The following CYP3A7 variants were observed in gnomAD, a reference collection of about 807,000 sequenced individuals.
The protein encoded by CYP3A7 is cytochrome P450 family 3 subfamily A member 7, also known as cytochrome P450 3A7.
In CYP3A7, 45 loss-of-function variants were observed where a neutral mutation model predicts 55.2. That is an observed-to-expected ratio of 0.82 (90% CI 0.64 to 1.05). The LOEUF is 1.05. CYP3A7 is among the 50% of genes least tolerant of loss of function. The pLI, the probability that CYP3A7 is intolerant of heterozygous loss-of-function variation, is 0.00. For missense variants in CYP3A7, 548 were observed against 605.3 expected (o/e 0.91, Z 0.99); for synonymous variants, 180 against 207.4 (o/e 0.87, Z 1.13).
At chr7:99,723,645 A>G (rs1312516069) in intron 2 of CYP3A7, among the ~76,000 whole-genome samples, 8 of 152,054 alleles carry the variant, frequency 5.3e-5, no homozygotes, top group Admixed American at 4.6e-4. Flanking sequence ...CCCTCACTCC[A>G]TGGGGAGATC....
chr7:99,718,944 C>T (rs1473061988), intron 4 of CYP3A7, among the ~76,000 whole-genome samples: 1 of 152,138 alleles, frequency 6.6e-6, no homozygotes, highest in Admixed American at 6.5e-5. Context: ...GTAAATCCAA[C>T]AAAACATGCA....
chr7:99,716,661 C>A (rs1339180881), intron 6 of CYP3A7, among the ~76,000 whole-genome samples: 3 of 152,038 alleles, frequency 2.0e-5, no homozygotes, highest in African/African-American at 4.8e-5. Context: ...CCACCTATAG[C>A]GTTTTTACCA....
rs570272368 is a variant in CYP3A7, at chr7:99,726,178, A to G, written c.166-3830T>C. 3.6e-4 allele frequency among the ~76,000 whole-genome samples: 55 copies of G among 150,760 alleles called. No individual in the cohort carries two copies. The South Asian group carries it at 5.5e-3, about 15-fold the overall frequency. ...TAACCCACAGGTATGGGACACCTCT[A>G]CTCCCTCCCTGGCAACTGATCACAT... On this transcript the variant is annotated intron_variant, in intron 2 of 12. Transcript: ENST00000336374.
At chr7:99,720,517 G>T in intron 3 of CYP3A7, 105 bp from the exon 4 acceptor site, 3 of 1,228,930 alleles carry the variant, frequency 2.4e-6, no homozygotes, top group Non-Finnish European at 3.6e-6. Context: ...TAATCCTCTA[G>T]ATGTACAATA....
intron 3 of CYP3A7, 140 bp from the exon 4 acceptor site, chr7:99,720,552 A>G (rs1814160781): frequency 3.2e-6 from 3 of 928,672 alleles, no homozygotes; most frequent in African/African-American, 3.3e-5. Flanking sequence ...GTTCTAGTTC[A>G]TTAGGTATAA....
Position 99,708,420 on chromosome 7 carries a change from C to CT in CYP3A7, c.1254-447dup, listed in dbSNP as rs1208973959. ...TTGCACTTTCCTTCTCCTCTCGTCTCTTGTTTTTCTAATTCTCCTCCTTCT... is the reference window on the plus strand; with the variant it reads ...TTGCACTTTCCTTCTCCTCTCGTCTCTTTGTTTTTCTAATTCTCCTCCTTCT... On this transcript the variant is annotated intron_variant, in intron 11 of 12. Coordinates refer to ENST00000336374, the MANE Select transcript of CYP3A7 (RefSeq NM_000765.5). 6.6e-5 allele frequency among the ~76,000 whole-genome samples: 10 copies of CT among 152,174 alleles called. No individual in the cohort carries two copies. The East Asian group carries it at 1.9e-3, about 29-fold the overall frequency.
chr7:99,705,716 A>G, intron 12 of CYP3A7, 121 bp from the exon 13 acceptor site: 1 of 1,233,908 alleles, frequency 8.1e-7, no homozygotes. Flanking sequence ...AACTACTTTC[A>G]GCACTATAAA....
intron 2 of CYP3A7, among the ~76,000 whole-genome samples, chr7:99,723,158 T>C (rs1385441757): frequency 6.6e-6 from 1 of 152,170 alleles, no homozygotes. Flanking sequence ...GTTTCAGGCC[T>C]CTTAGCCCAA....
intron 8 of CYP3A7, 126 bp downstream of exon 8, chr7:99,714,429 A>C: frequency 7.0e-7 from 1 of 1,431,942 alleles, no homozygotes; most frequent in Non-Finnish European, 9.4e-7. Context: ...ATCTTGCTCT[A>C]AACATAAGTA....
chr7:99,714,701 A>T lies in CYP3A7; in HGVS notation c.671-19T>A, dbSNP rs185880957. On this transcript the variant is annotated intron_variant, in intron 7 of 12. Transcript: ENST00000336374. ...AAGACTTCTGTAGAAAAAAAAAACCAACAGAAAACGAAACCATTGTGAACA... is the reference window on the plus strand; with the variant it reads ...AAGACTTCTGTAGAAAAAAAAAACCTACAGAAAACGAAACCATTGTGAACA... The T allele has an allele frequency of 6.2e-7, 1 of 1,608,234 alleles. No homozygotes were observed. The highest frequency in any genetic ancestry group is 8.5e-7 in the Non-Finnish European group (1 of 1,177,712).
At chr7:99,708,583 A>G (rs961732881) in intron 11 of CYP3A7, among the ~76,000 whole-genome samples, 1 of 152,082 alleles carries the variant, frequency 6.6e-6, no homozygotes, top group Non-Finnish European at 1.5e-5. Flanking sequence ...ATGCTACTGT[A>G]TTGATGGAAA....
In CYP3A7 at chr7:99,705,529, A is replaced by C. The variant is rs201591102; in HGVS notation, c.1483T>G (p.Ser495Ala). ...GCTCCACTTACGGTCTCATCCCTTG[A>C]CTCAGCCTTTAGAACAATGGGTTTT... is the stretch of plus-strand genomic sequence containing the variant. ...TEKPIVLKAE[S>A]RDETVSGA Residue 495 changes from serine (S) to alanine (A), a missense_variant, in exon 13 of 13, where the codon TCA becomes GCA. Ser to Ala is a moderately conservative substitution (Grantham distance 99). Coordinates refer to ENST00000336374, the MANE Select transcript of CYP3A7 (RefSeq NM_000765.5). The C allele has an allele frequency of 6.2e-7, 1 of 1,613,508 alleles. No individual in the cohort carries two copies. Among genetic ancestry groups the C allele is most frequent in the Non-Finnish European group, 8.5e-7 (1 of 1,179,686 alleles).
intron 5 of CYP3A7, 28 bp from the exon 6 acceptor site, chr7:99,717,293 A>G: frequency 6.2e-7 from 1 of 1,613,780 alleles, no homozygotes; most frequent in Non-Finnish European, 8.5e-7. Flanking sequence ...CACCACCCAT[A>G]GTTAAATGTG....
chr7:99,714,499 A>G, intron 8 of CYP3A7, 56 bp downstream of exon 8: 1 of 1,604,454 alleles, frequency 6.2e-7, no homozygotes. Flanking sequence ...TCATATGTAT[A>G]TTTCTAAAAA....
intron 10 of CYP3A7, 46 bp downstream of exon 10, chr7:99,710,686 C>A: frequency 1.2e-6 from 2 of 1,613,296 alleles, no homozygotes; most frequent in Non-Finnish European, 1.7e-6. Context: ...AGCATCTTTG[C>A]TAAGGCTTCA....
chr7:99,735,052 G>A lies in CYP3A7; in HGVS notation c.42C>T (p.Leu14=), dbSNP rs748286009. 8 of 1,614,006 alleles carry A rather than the reference G, an allele frequency of 5.0e-6. No homozygotes were observed. Among genetic ancestry groups the A allele is most frequent in the Non-Finnish European group, 6.8e-6 (8 of 1,179,994 alleles). Residue 14 remains leucine, a synonymous_variant, in exon 1 of 13, where the codon CTC becomes CTT. Transcript: ENST00000336374. ...AGAGGAGTATCAGGCTGACAGCCAG[G>A]AGAAGCCAGGTTTCCACGGCCAAGT... The part of the protein sequence containing the change: ...IPNLAVETWL[L]LAVSLILLYL...
chr7:99,708,419 T>G (rs1265327842), intron 11 of CYP3A7, among the ~76,000 whole-genome samples: 1 of 152,108 alleles, frequency 6.6e-6, no homozygotes, highest in Non-Finnish European at 1.5e-5. Flanking sequence ...TCCTCTCGTC[T>G]CTTGTTTTTC....
intron 3 of CYP3A7, among the ~76,000 whole-genome samples, chr7:99,721,662 T>C (rs1377730915): frequency 9.9e-5 from 15 of 152,180 alleles, no homozygotes; most frequent in Non-Finnish European, 1.9e-4. Context: ...TGGTGACATA[T>C]GGGATCCTTG....
At chr7:99,723,421 T>G (rs1278618624) in intron 2 of CYP3A7, among the ~76,000 whole-genome samples, 1 of 152,192 alleles carries the variant, frequency 6.6e-6, no homozygotes, top group South Asian at 2.1e-4. Context: ...ACTGCAACTT[T>G]CCACTGCTTA....
Sources: gnomAD v4.1 joint callset for allele counts (sites outside exome capture counted in the v4.1 genomes callset) on GRCh38, gnomAD v4.1.1 for gene constraint, MANE v1.5 for transcripts, NCBI Gene and HGNC (gene_info 2026-07-23, HGNC 2026-07-21) for gene names.